Variants in RAD51B observed in about 807,000 individuals in gnomAD.
The protein encoded by RAD51B is DNA repair protein RAD51 homolog 2.
In RAD51B, 38 loss-of-function variants were observed where a neutral mutation model predicts 42.2. The observed-to-expected ratio is 0.90, with a 90% CI of 0.70 to 1.18. The LOEUF (loss-of-function observed/expected upper bound fraction) is 1.18. Among genes scored for constraint, RAD51B ranks in the 50% most tolerant of loss-of-function variants. The pLI, the probability that RAD51B is intolerant of heterozygous loss-of-function variation, is 0.00. For missense variants in RAD51B, 373 were observed against 400.7 expected, an observed-to-expected ratio of 0.93 and a Z score of 0.59; for synonymous variants, 154 against 145.2, an observed-to-expected ratio of 1.06 and a Z score of -0.43.
downstream of RAD51B, among the ~76,000 whole-genome samples, chr14:68,480,296 C>T (rs897636732): frequency 6.6e-6 from 1 of 152,134 alleles, no homozygotes; most frequent in Non-Finnish European, 1.5e-5. Flanking sequence ...AGGCTGGTCT[C>T]GAACTCCTGT....
chr14:68,245,589 A>G (rs1275260915), intron 7 of RAD51B, among the ~76,000 whole-genome samples: 1 of 152,262 alleles, frequency 6.6e-6, no homozygotes, highest in Non-Finnish European at 1.5e-5. Flanking sequence ...AAAAGGACAG[A>G]GACTCAGAGG....
intron 11 of RAD51B, among the ~76,000 whole-genome samples, chr14:68,674,289 C>A (rs767834366): frequency 1.3e-5 from 2 of 152,094 alleles, no homozygotes; most frequent in Non-Finnish European, 2.9e-5. Flanking sequence ...TATATACTTA[C>A]ATATACACAC....
intron 9 of RAD51B, 131 bp from the exon 10 acceptor site, chr14:68,468,041 T>G (rs1320500354): frequency 1.3e-6 from 1 of 778,250 alleles, no homozygotes; most frequent in Non-Finnish European, 2.1e-6. Flanking sequence ...TAAAATGGTT[T>G]TTTTTTTTTT....
intron 7 of RAD51B, among the ~76,000 whole-genome samples, chr14:67,993,671 CTT>C (rs33999525): frequency 0.06 from 9,086 of 152,130 alleles, 630 homozygotes; most frequent in African/African-American, 0.17. Context: ...GCAGATATCT[CTT>C]TGATTTACTG....
At chr14:68,540,841 A>G in intron 10 of RAD51B, 1 of 985,432 alleles carries the variant, frequency 1.0e-6, no homozygotes, top group Non-Finnish European at 1.2e-6. Context: ...GAGAGAAGGA[A>G]ACAGACATTA....
intron 7 of RAD51B, among the ~76,000 whole-genome samples, chr14:68,093,142 G>T (rs1217286940): frequency 6.6e-6 from 1 of 150,764 alleles, no homozygotes; most frequent in Non-Finnish European, 1.5e-5. Context: ...GTTCATCAAG[G>T]ATATTGGTCT....
chr14:68,021,685 G>A (rs1400916777), intron 7 of RAD51B, among the ~76,000 whole-genome samples: 1 of 152,158 alleles, frequency 6.6e-6, no homozygotes, highest in Non-Finnish European at 1.5e-5. Flanking sequence ...GTTCCAGACT[G>A]CTGCAATAAA....
At chr14:68,615,402 G>A (rs541921755), downstream of RAD51B, among the ~76,000 whole-genome samples, 58 of 151,654 alleles carry the variant, frequency 3.8e-4, no homozygotes, top group African/African-American at 1.3e-3. Flanking sequence ...CTGGAGTGCA[G>A]TGGCGTGATA....
At chr14:68,194,401 G>A (rs2079327795) in intron 7 of RAD51B, among the ~76,000 whole-genome samples, 1 of 152,114 alleles carries the variant, frequency 6.6e-6, no homozygotes, top group African/African-American at 2.4e-5. Context: ...TAGAAGACAT[G>A]GTGTCTGCCC....
intron 7 of RAD51B, among the ~76,000 whole-genome samples, chr14:68,073,870 G>A (rs1309535004): frequency 6.6e-6 from 1 of 152,130 alleles, no homozygotes; most frequent in Non-Finnish European, 1.5e-5. Flanking sequence ...CTTCTGGCTT[G>A]TAGGGTTTCT....
chr14:67,961,449 A>G (rs998502196), intron 7 of RAD51B, among the ~76,000 whole-genome samples: 1 of 152,234 alleles, frequency 6.6e-6, no homozygotes, highest in Non-Finnish European at 1.5e-5. Context: ...TGTGTCTCAG[A>G]CAAAGATATG....
chr14:68,294,465 A>G (rs1275209566), intron 8 of RAD51B, among the ~76,000 whole-genome samples: 1 of 152,258 alleles, frequency 6.6e-6, no homozygotes, highest in Non-Finnish European at 1.5e-5. Context: ...ACACACACAC[A>G]GACATGCACA....
chr14:67,822,344 ATTT>A (rs2040659132), intron 1 of RAD51B: 1 of 152,136 alleles, frequency 6.6e-6, no homozygotes. Flanking sequence ...CAATAGTGAA[ATTT>A]AACTGCATGT....
In RAD51B at chr14:68,420,221, G is replaced by A. The variant is rs543962258; in HGVS notation, c.957+8694G>A. On this transcript the variant is annotated intron_variant, in intron 9 of 10. Coordinates refer to ENST00000471583, the MANE Select transcript of RAD51B (RefSeq NM_133510.4). ...TACCATGTGCTCTGAGATGTAAGAT[G>A]GTGGTTGTGTTACCGGAAAGGGATC... Among the ~76,000 whole-genome samples the A allele has an allele frequency of 4.6e-5, 7 of 152,314 alleles. No homozygotes were observed. The South Asian group carries it at 8.3e-4, about 18-fold the overall frequency.
chr14:68,680,988 C>T (rs1045280587), intron 11 of RAD51B, among the ~76,000 whole-genome samples: 1 of 152,100 alleles, frequency 6.6e-6, no homozygotes, highest in Non-Finnish European at 1.5e-5. Context: ...CATCACTTCA[C>T]AGCTGGTCAG....
At chr14:68,276,127 G>C (rs2081219285) in intron 7 of RAD51B, among the ~76,000 whole-genome samples, 1 of 152,190 alleles carries the variant, frequency 6.6e-6, no homozygotes, top group Admixed American at 6.5e-5. Context: ...GAAAGAGACA[G>C]ATTGGTCACC....
Position 68,582,267 on chromosome 14 carries a change from A to G in RAD51B, c.1037-12218A>G, listed in dbSNP as rs1355900059. ...TTTTTACAATCTATCCATCTGACAA[A>G]GGGCTAATATCCAGAATCTACAAAA... On this transcript the variant is annotated intron_variant, in intron 10 of 10. Coordinates refer to the RAD51B transcript ENST00000487270. 3.9e-5 allele frequency among the ~76,000 whole-genome samples: 6 copies of G among 152,356 alleles called. No individual in the cohort carries two copies. In the East Asian group the frequency reaches 1.2e-3, roughly 29 times the overall value.
intron 7 of RAD51B, among the ~76,000 whole-genome samples, chr14:68,010,461 G>C (rs2075665895): frequency 6.6e-6 from 1 of 151,664 alleles, no homozygotes; most frequent in African/African-American, 2.4e-5. Context: ...GTTGTTTGGG[G>C]TCCTGTATCA....
At chr14:68,494,525 G>A (rs1282346930) in intron 10 of RAD51B, among the ~76,000 whole-genome samples, 1 of 152,142 alleles carries the variant, frequency 6.6e-6, no homozygotes, top group Non-Finnish European at 1.5e-5. Context: ...GTGAACTGGG[G>A]CAGCACCACT....
Sources: gnomAD v4.1 joint callset for allele counts (sites outside exome capture counted in the v4.1 genomes callset) on GRCh38, gnomAD v4.1.1 for gene constraint, MANE v1.5 for transcripts, NCBI Gene and HGNC (gene_info 2026-07-23, HGNC 2026-07-21) for gene names.